The following DKK2 variants were observed in gnomAD, a reference collection of about 807,000 sequenced individuals.
The protein encoded by DKK2 is dickkopf-related protein 2.
A neutral mutation model predicts 28.1 loss-of-function variants in DKK2; 11 were observed. The observed-to-expected ratio is 0.39, with a 90% CI of 0.25 to 0.65. The LOEUF (loss-of-function observed/expected upper bound fraction) is 0.65. Among genes scored for constraint, DKK2 ranks in the 30% least tolerant of loss-of-function variants. The pLI, the probability that DKK2 is intolerant of heterozygous loss-of-function variation, is 0.47. For synonymous variants in DKK2, 135 were observed against 126.5 expected (o/e 1.07, Z -0.45); for missense variants, 326 against 335.5 (o/e 0.97, Z 0.22).
At chr4:107,005,943 C>T (rs1227769245) in intron 1 of DKK2, among the ~76,000 whole-genome samples, 1 of 152,140 alleles carries the variant, frequency 6.6e-6, no homozygotes, top group Non-Finnish European at 1.5e-5. Flanking sequence ...GTGGAAGCTT[C>T]TCAGGGACTA....
intron 1 of DKK2, among the ~76,000 whole-genome samples, chr4:106,986,523 T>C (rs543869038): frequency 6.6e-6 from 1 of 152,326 alleles, no homozygotes; most frequent in Admixed American, 6.5e-5. Flanking sequence ...CTCTTAATGT[T>C]CTTTAAAAAG....
chr4:107,010,621 C>T (rs753034559), intron 1 of DKK2, among the ~76,000 whole-genome samples: 35 of 151,536 alleles, frequency 2.3e-4, no homozygotes, highest in Non-Finnish European at 4.9e-4. Flanking sequence ...AAAAAGGGAT[C>T]GAGTTGCCTT....
At chr4:107,034,502 A>G (rs1451958486) in intron 1 of DKK2, among the ~76,000 whole-genome samples, 2 of 152,122 alleles carry the variant, frequency 1.3e-5, no homozygotes, top group African/African-American at 2.4e-5. Flanking sequence ...CTATTTGTAT[A>G]ACAGTTTGCA....
chr4:107,010,161 A>G (rs1451045071), intron 1 of DKK2, among the ~76,000 whole-genome samples: 1 of 151,758 alleles, frequency 6.6e-6, no homozygotes, highest in Non-Finnish European at 1.5e-5. Context: ...GTAGGAAACA[A>G]GTAATAATAC....
intron 1 of DKK2, among the ~76,000 whole-genome samples, chr4:106,970,413 G>A (rs1722853949): frequency 6.6e-6 from 1 of 152,056 alleles, no homozygotes; most frequent in Non-Finnish European, 1.5e-5. Context: ...TGTTTAGAGT[G>A]ATAATGGCAC....
chr4:106,942,340 A>AT (rs1360194916), intron 1 of DKK2, among the ~76,000 whole-genome samples: 7 of 152,182 alleles, frequency 4.6e-5, no homozygotes, highest in Non-Finnish European at 1.5e-5. Flanking sequence ...TTGTTACCAG[A>AT]TAAAAAAATG....
chr4:107,006,394 G>A (rs929578697), intron 1 of DKK2, among the ~76,000 whole-genome samples: 3 of 152,030 alleles, frequency 2.0e-5, no homozygotes, highest in Non-Finnish European at 4.4e-5. Context: ...TAAACCCCAG[G>A]GAGGAAGTCC....
At position 106,999,650 on chromosome 4, in the gene DKK2, T is replaced by C. The variant is rs115599297; in HGVS notation, c.222+35720A>G. 5.2e-3 allele frequency among the ~76,000 whole-genome samples: 792 copies of C among 152,322 alleles called. 9 individuals are homozygous for C. Among genetic ancestry groups the C allele is most frequent in the African/African-American group, 0.018 (757 of 41,586 alleles). The stretch of plus-strand genomic sequence containing the variant: ...ATGAGCCACCGTGCCCGGCCCTGTA[T>C]CTTTTTGTAAGTAAATTTTTTCAAA... On this transcript the variant is annotated intron_variant, in intron 1 of 3. Coordinates refer to ENST00000285311, the MANE Select transcript of DKK2 (RefSeq NM_014421.3).
intron 1 of DKK2, among the ~76,000 whole-genome samples, chr4:107,005,917 G>C (rs1182796236): frequency 6.6e-6 from 1 of 152,140 alleles, no homozygotes; most frequent in South Asian, 2.1e-4. Context: ...AGATCTGACA[G>C]TACATCAGAA....
rs191087521 is a variant in DKK2, at chr4:107,013,861, C to T, written c.222+21509G>A. 3.3e-5 allele frequency among the ~76,000 whole-genome samples: 5 copies of T among 151,530 alleles called. No homozygotes were observed. The East Asian group carries it at 9.7e-4, about 29-fold the overall frequency. On this transcript the variant is annotated intron_variant, in intron 1 of 3. Transcript: ENST00000285311. ...CTCCCTAGCAAAAAACAAATAATCT[C>T]ATTTAAAAATGGGCAAAAGACTTTA...
At chr4:106,991,294 C>A (rs1723200092) in intron 1 of DKK2, among the ~76,000 whole-genome samples, 1 of 152,126 alleles carries the variant, frequency 6.6e-6, no homozygotes, top group Admixed American at 6.5e-5. Context: ...TTCTCATAAC[C>A]AGTAATCCTT....
intron 1 of DKK2, among the ~76,000 whole-genome samples, chr4:106,940,314 G>T (rs62314185): frequency 7.9e-5 from 12 of 152,022 alleles, no homozygotes; most frequent in South Asian, 2.1e-4. Context: ...GAACAGACAC[G>T]TCTCAAAAGA....
At chr4:106,939,440 T>C (rs1239628625) in intron 1 of DKK2, among the ~76,000 whole-genome samples, 2 of 152,194 alleles carry the variant, frequency 1.3e-5, no homozygotes, top group Non-Finnish European at 2.9e-5. Context: ...TACAAATCAC[T>C]GCTCAAGGAA....
chr4:106,986,252 C>A (rs1419269468), intron 1 of DKK2, among the ~76,000 whole-genome samples: 2 of 152,148 alleles, frequency 1.3e-5, no homozygotes, highest in Non-Finnish European at 2.9e-5. Flanking sequence ...TGTTAAGAAG[C>A]AAAGGGCATA....
chr4:106,954,792 A>T (rs908526684), intron 1 of DKK2, among the ~76,000 whole-genome samples: 3 of 152,152 alleles, frequency 2.0e-5, no homozygotes, highest in Admixed American at 6.5e-5. Flanking sequence ...AAGTGCTGGG[A>T]TTACAGGCAT....
intron 1 of DKK2, among the ~76,000 whole-genome samples, chr4:106,940,606 T>G (rs1388403153): frequency 6.6e-6 from 1 of 150,850 alleles, no homozygotes; most frequent in Non-Finnish European, 1.5e-5. Flanking sequence ...ATCCCATTAC[T>G]GGGTATATAC....
Position 106,958,223 on chromosome 4 carries a change from A to T in DKK2, c.223-32274T>A, listed in dbSNP as rs142722499. On this transcript the variant is annotated intron_variant, in intron 1 of 3. Coordinates refer to ENST00000285311, the MANE Select transcript of DKK2 (RefSeq NM_014421.3). ...GGGAGCATTATTAATAATAAAAAAA[A>T]GCTATCCCAAACTCAAGTATAAATA... Among the ~76,000 whole-genome samples the T allele has an allele frequency of 4.4e-3, 666 of 151,738 alleles. 5 individuals are homozygous for T. Among genetic ancestry groups the T allele is most frequent in the African/African-American group, 0.015 (641 of 41,470 alleles).
chr4:106,940,674 G>A (rs1346160914), intron 1 of DKK2, among the ~76,000 whole-genome samples: 1 of 150,996 alleles, frequency 6.6e-6, no homozygotes, highest in East Asian at 1.9e-4. Flanking sequence ...GTTTATTGCA[G>A]CATTATTCAC....
chr4:106,976,918 T>C (rs1214550521), intron 1 of DKK2, among the ~76,000 whole-genome samples: 1 of 152,208 alleles, frequency 6.6e-6, no homozygotes, highest in African/African-American at 2.4e-5. Flanking sequence ...TCAGGATCTC[T>C]TGTAAGGCAG....
Sources: gnomAD v4.1 joint callset for allele counts (sites outside exome capture counted in the v4.1 genomes callset) on GRCh38, gnomAD v4.1.1 for gene constraint, MANE v1.5 for transcripts, NCBI Gene and HGNC (gene_info 2026-07-23, HGNC 2026-07-21) for gene names.